Variants in THBS2 observed in about 807,000 individuals in gnomAD.
THBS2 encodes the protein thrombospondin 2, also known as thrombospondin-2.
In THBS2, 47 loss-of-function variants were observed where a neutral mutation model predicts 135.2. The ratio of observed to expected loss-of-function variants is 0.35; its 90% CI spans 0.28 to 0.44. THBS2 has a LOEUF of 0.44. Ranked by LOEUF, THBS2 falls within the 20% of genes least tolerant of loss-of-function variation. The pLI, the probability that THBS2 is intolerant of heterozygous loss-of-function variation, is 1.00. For synonymous variants in THBS2, 639 were observed against 633.8 expected (o/e 1.01, Z -0.12); for missense variants, 1,288 against 1,603.1 (o/e 0.80, Z 3.36).
intron 6 of THBS2, 152 bp downstream of exon 6, chr6:169,240,300 T>C (rs1780243762): frequency 1.4e-5 from 16 of 1,106,922 alleles, no homozygotes; most frequent in Non-Finnish European, 1.9e-5. Flanking sequence ...ATACGGTTCC[T>C]GGCCCTTCTG....
chr6:169,243,488 A>T (rs1202896064), intron 4 of THBS2, among the ~76,000 whole-genome samples: 1 of 152,188 alleles, frequency 6.6e-6, no homozygotes, highest in Non-Finnish European at 1.5e-5. Context: ...AAAGACTTAG[A>T]CATTTTACAG....
At chr6:169,231,567 C>T (rs1779835143) in intron 13 of THBS2, among the ~76,000 whole-genome samples, 1 of 152,202 alleles carries the variant, frequency 6.6e-6, no homozygotes, top group African/African-American at 2.4e-5. Context: ...CTGCAACACG[C>T]TTGGGCTTTG....
chr6:169,233,854 C>T (rs1033357082), intron 10 of THBS2, among the ~76,000 whole-genome samples: 26 of 150,198 alleles, frequency 1.7e-4, no homozygotes, highest in East Asian at 1.2e-3. Flanking sequence ...ACTGCCCACA[C>T]GTCAGGTGCT....
intron 7 of THBS2, 38 bp from the exon 8 acceptor site, chr6:169,237,833 C>A: frequency 6.3e-7 from 1 of 1,591,892 alleles, no homozygotes; most frequent in Non-Finnish European, 8.5e-7. Flanking sequence ...TCAGGCCCTG[C>A]CTCACAGACG....
chr6:169,218,999 AGTAGGTGGGTGGATGAGATGAGTGG>A (rs1205988606), intron 21 of THBS2, among the ~76,000 whole-genome samples: 12 of 115,724 alleles, frequency 1.0e-4, no homozygotes, highest in African/African-American at 3.7e-4. Flanking sequence ...TGGATGGATG[AGTAGGTGGGTGGATGAGATGAGTGG>A]ATGGATGGAT....
rs148676859 is a variant in THBS2 at position 169,232,893 on chromosome 6, G to C, written c.1776C>G (p.Asp592Glu). 6.9e-6 allele frequency: 11 copies of C among 1,597,350 alleles called. No homozygotes were observed. The highest frequency in any genetic ancestry group is 3.4e-5 in the South Asian group (3 of 89,010). The change falls in exon 11 of 22, where the codon GAC becomes GAG. Residue 592 changes from aspartate to glutamate, a missense_variant. Asp to Glu is a conservative substitution (Grantham distance 45). Transcript: ENST00000617924. ...LGNGTHCEDL[D>E]ECALVPDICF... ...AGCCCAGGGCGGGGTCACCCACCTCGTCCAGGTCCTCACAGTGGGTGCCAT... is the reference window on the plus strand; with the variant it reads ...AGCCCAGGGCGGGGTCACCCACCTCCTCCAGGTCCTCACAGTGGGTGCCAT...
chr6:169,239,228 T>C (rs2115012593), intron 7 of THBS2: 1 of 230,396 alleles, frequency 4.3e-6, no homozygotes, highest in Non-Finnish European at 8.4e-6. Context: ...TTTCCAGGAG[T>C]GTGTGTACAG....
chr6:169,218,223 GAT>G, intron 21 of THBS2, among the ~76,000 whole-genome samples: 1 of 101,386 alleles, frequency 9.9e-6, no homozygotes, highest in Non-Finnish European at 2.1e-5. Flanking sequence ...TGGATGATGA[GAT>G]GGTTGGGTGG....
At chr6:169,218,623 A>T (rs1258589525) in intron 21 of THBS2, among the ~76,000 whole-genome samples, 1 of 124,896 alleles carries the variant, frequency 8.0e-6, no homozygotes, top group East Asian at 2.6e-4. Flanking sequence ...GGATGAATGG[A>T]TGGATGGATG....
At position 169,248,518 on chromosome 6, in the gene THBS2, T is replaced by A; in HGVS notation, c.508A>T (p.Ile170Leu). Reference protein sequence around the residue: ...TYSLHVGCDLIDSFALDEPFY... With the variant: ...TYSLHVGCDLLDSFALDEPFY... Reference sequence around the variant, plus strand: ...GGCTCGTCCAGAGCGAAGCTGTCTATGAGGTCGCAGCCCACGTGCAAGCTG... The same window carrying A: ...GGCTCGTCCAGAGCGAAGCTGTCTAAGAGGTCGCAGCCCACGTGCAAGCTG... Residue 170 changes from isoleucine (I) to leucine (L), a missense_variant, in exon 3 of 22, where the codon ATA becomes TTA. Physicochemically the swap from Ile to Leu is conservative, Grantham distance 5. Transcript: ENST00000617924. 1 of 1,614,020 alleles carries A rather than the reference T, an allele frequency of 6.2e-7. No individual in the cohort carries two copies. The highest frequency in any genetic ancestry group is 1.1e-5 in the South Asian group (1 of 91,086).
In THBS2 at chr6:169,226,044, C is replaced by T. The variant is rs948492001; in HGVS notation, c.2538+136G>A. The T allele has an allele frequency of 5.8e-5, 52 of 899,480 alleles. 1 individual carries two copies. The East Asian group carries it at 5.8e-4, about 10-fold the overall frequency. The allele number at this position is 899,480 out of a possible 1,614,324, so 55.7% of individuals were successfully genotyped here. On this transcript the variant is annotated intron_variant, in intron 16 of 21. Coordinates refer to ENST00000617924, the MANE Select transcript of THBS2 (RefSeq NM_003247.5). ...AGGGGACTGATGAGGACCTGAGACCCGCCTGCCCATGGCTGCCCTCATCTG... is the reference window on the plus strand; with the variant it reads ...AGGGGACTGATGAGGACCTGAGACCTGCCTGCCCATGGCTGCCCTCATCTG...
chr6:169,239,411 C>A, intron 7 of THBS2, 188 bp downstream of exon 7: 1 of 603,110 alleles, frequency 1.7e-6, no homozygotes, highest in Non-Finnish European at 2.9e-6. Flanking sequence ...GGCTTCCACA[C>A]TCCTTTCTAG....
At chr6:169,236,326 C>CACT (rs1780065743) in intron 9 of THBS2, among the ~76,000 whole-genome samples, 1 of 71,528 alleles carries the variant, frequency 1.4e-5, no homozygotes, top group Non-Finnish European at 2.7e-5. Flanking sequence ...CACACTCACT[C>CACT]CCCCATCCAC....
intron 13 of THBS2, 57 bp downstream of exon 13, chr6:169,231,923 G>T: frequency 2.5e-6 from 4 of 1,586,386 alleles, no homozygotes; most frequent in Non-Finnish European, 3.4e-6. Flanking sequence ...CGTCCCCGGC[G>T]CCAGGAGGAG....
Position 169,237,249 on chromosome 6 carries a change from G to A in THBS2, c.1398C>T (p.Ser466=). Residue 466 remains serine (S), a synonymous_variant, in exon 9 of 22, where the codon TCC becomes TCT. Coordinates refer to ENST00000617924, the MANE Select transcript of THBS2 (RefSeq NM_003247.5). ...TCTTGCCCCCCATCTGGGGCACTGG[G>A]GAGTTGCAGAGACGGATGCGTGTGA... The part of the protein sequence containing the change: ...GNITRIRLCN[S]PVPQMGGKNC... 1 of 1,613,480 alleles carries A rather than the reference G, an allele frequency of 6.2e-7. No homozygotes were observed. Among genetic ancestry groups the A allele is most frequent in the South Asian group, 1.1e-5 (1 of 91,086 alleles).
In THBS2 at chr6:169,237,333, G is replaced by A. The variant is rs145513302; in HGVS notation, c.1314C>T (p.Gly438=). Residue 438 remains glycine (G), a synonymous_variant, in exon 9 of 22, where the codon GGC becomes GGT. Transcript: ENST00000617924. The part of the protein sequence containing the change: ...SKCDTRIRQD[G]GWSHWSPWSS... ...ACCAAGGTGACCAGTGGCTCCAGCCGCCGTCCTGCCGGACTAACACAAGAA... is the reference window on the plus strand; with the variant it reads ...ACCAAGGTGACCAGTGGCTCCAGCCACCGTCCTGCCGGACTAACACAAGAA... 3.9e-4 allele frequency: 629 copies of A among 1,613,060 alleles called. No individual in the cohort carries two copies. Among genetic ancestry groups the A allele is most frequent in the Non-Finnish European group, 4.7e-4 (558 of 1,180,028 alleles).
intron 4 of THBS2, among the ~76,000 whole-genome samples, chr6:169,242,790 C>T (rs1583418667): frequency 2.4e-5 from 3 of 127,132 alleles, no homozygotes; most frequent in Admixed American, 7.7e-5. Context: ...ACCTTCCCAC[C>T]ACTCCCACCT....
At chr6:169,236,601 T>TTCCCATCCACACTCGCCATCCACACTCAC (rs1583414158) in intron 9 of THBS2, among the ~76,000 whole-genome samples, 1 of 88,828 alleles carries the variant, frequency 1.1e-5, no homozygotes, top group Non-Finnish European at 2.3e-5. Flanking sequence ...TCCACACTCA[T>TTCCCATCCACACTCGCCATCCACACTCAC]TCCCATCCAC....
At chr6:169,240,029 A>G (rs1233350067) in intron 6 of THBS2, among the ~76,000 whole-genome samples, 1 of 152,234 alleles carries the variant, frequency 6.6e-6, no homozygotes, top group Non-Finnish European at 1.5e-5. Flanking sequence ...TGCTGAGGCC[A>G]TTGTCAGCAG....
Sources: allele counts gnomAD v4.1 joint callset (sites outside exome capture counted in the v4.1 genomes callset), GRCh38; gene constraint gnomAD v4.1.1; transcripts MANE v1.5; gene names NCBI Gene and HGNC (gene_info 2026-07-23, HGNC 2026-07-21).